The following SAMD3 variants were observed in gnomAD, a reference collection of about 807,000 sequenced individuals.
SAMD3 encodes sterile alpha motif domain containing 3, also known as sterile alpha motif domain-containing protein 3.
A neutral mutation model predicts 58.5 loss-of-function variants in SAMD3; 63 were observed. The observed-to-expected ratio is 1.08, with a 90% CI of 0.88 to 1.33. The LOEUF (loss-of-function observed/expected upper bound fraction) is 1.33, where lower values mean the gene tolerates loss of function less well. Among genes scored for constraint, SAMD3 ranks in the 40% most tolerant of loss-of-function variants. SAMD3 has a pLI of 0.00. For missense variants in SAMD3, 604 were observed against 608.4 expected, an observed-to-expected ratio of 0.99 and a Z score of 0.08; for synonymous variants, 220 against 210.3, an observed-to-expected ratio of 1.05 and a Z score of -0.40.
intron 9 of SAMD3, 52 bp from the exon 10 acceptor site, chr6:130,146,233 T>C: frequency 2.6e-6 from 3 of 1,172,544 alleles, no homozygotes; most frequent in South Asian, 2.2e-5. Flanking sequence ...AAAGCTAATA[T>C]ATAGAATGTA....
At chr6:130,354,779 CA>C (rs1424931419) in intron 1 of SAMD3, among the ~76,000 whole-genome samples, 1 of 152,142 alleles carries the variant, frequency 6.6e-6, no homozygotes, top group South Asian at 2.1e-4. Context: ...AACAAACCTG[CA>C]CATGTACCCG....
chr6:130,250,587 C>T (rs1773705190), intron 2 of SAMD3, among the ~76,000 whole-genome samples: 1 of 152,180 alleles, frequency 6.6e-6, no homozygotes, highest in South Asian at 2.1e-4. Flanking sequence ...CTCCATTCCA[C>T]CCTCACCCAT....
intron 1 of SAMD3, among the ~76,000 whole-genome samples, chr6:130,217,068 C>G (rs1796042716): frequency 2.0e-5 from 3 of 151,998 alleles, no homozygotes; most frequent in Non-Finnish European, 4.4e-5. Context: ...AGATTTTTAC[C>G]ACAATTCTAC....
chr6:130,179,798 A>T (rs1019433549), intron 7 of SAMD3, among the ~76,000 whole-genome samples: 3 of 138,674 alleles, frequency 2.2e-5, no homozygotes, highest in South Asian at 2.3e-4. Flanking sequence ...TATATAAGAG[A>T]TTGTCCTTAT....
At chr6:130,310,418 G>A (rs4349832) in intron 2 of SAMD3, among the ~76,000 whole-genome samples, 24,344 of 151,990 alleles carry the variant, frequency 0.16, 2,203 homozygotes, top group East Asian at 0.36. Context: ...GGCTTTCCAA[G>A]GTTAATTACC....
rs548941386 is a variant in SAMD3, at chr6:130,235,772, G to T, written c.-187-12959C>A. 3.9e-5 allele frequency among the ~76,000 whole-genome samples: 6 copies of T among 152,248 alleles called. 1 individual carries two copies. The South Asian group carries it at 1.2e-3, about 32-fold the overall frequency. On this transcript the variant is annotated intron_variant, in intron 2 of 13. Coordinates refer to the SAMD3 transcript ENST00000368134. The stretch of plus-strand genomic sequence containing the variant: ...TTTATGTTCAAATTATGTAGTAGAG[G>T]CTAATTTTTTCAATTTGTATTTAAG...
intron 1 of SAMD3, among the ~76,000 whole-genome samples, chr6:130,322,189 C>T (rs914266438): frequency 6.6e-6 from 1 of 152,060 alleles, no homozygotes; most frequent in South Asian, 2.1e-4. Context: ...GAGGCTAGTC[C>T]AGAATTGGGA....
chr6:130,291,383 G>A (rs1359474816), intron 2 of SAMD3, among the ~76,000 whole-genome samples: 1 of 152,324 alleles, frequency 6.6e-6, no homozygotes, highest in East Asian at 1.9e-4. Context: ...GGGATTACAG[G>A]TGTGAGCCAC....
chr6:130,309,199 TA>T (rs1776053256), intron 2 of SAMD3, among the ~76,000 whole-genome samples: 1 of 152,198 alleles, frequency 6.6e-6, no homozygotes, highest in Non-Finnish European at 1.5e-5. Context: ...TTGCATAGTA[TA>T]AACAGTCAGA....
intron 5 of SAMD3, among the ~76,000 whole-genome samples, chr6:130,204,765 CTTTTTTT>C (rs112982780): frequency 1.6e-5 from 2 of 126,694 alleles, no homozygotes; most frequent in South Asian, 5.0e-4. Flanking sequence ...ATTTCCAGGC[CTTTTTTT>C]TTTTTTTTTT....
intron 2 of SAMD3, among the ~76,000 whole-genome samples, chr6:130,311,382 T>A (rs1983718): frequency 0.47 from 71,373 of 151,960 alleles, 20,169 homozygotes; most frequent in African/African-American, 0.8. Flanking sequence ...GAGGGGTTCC[T>A]CCAGCCTACT....
In SAMD3 at chr6:130,252,270, C is replaced by G. The variant is rs1314446516; in HGVS notation, c.-187-29457G>C. On this transcript the variant is annotated intron_variant, in intron 2 of 13. Transcript: ENST00000368134. The stretch of plus-strand genomic sequence containing the variant: ...ATATATATCTTTTTCTATCCTTTCA[C>G]TTCCAACTTATTTGCATTTTGGATC... 1.3e-5 allele frequency among the ~76,000 whole-genome samples: 2 copies of G among 152,122 alleles called. 1 individual carries two copies. The highest frequency in any genetic ancestry group is 2.9e-5 in the Non-Finnish European group (2 of 67,998).
At chr6:130,187,832 A>C (rs1208751133) in intron 5 of SAMD3, among the ~76,000 whole-genome samples, 1 of 152,200 alleles carries the variant, frequency 6.6e-6, no homozygotes, top group Admixed American at 6.5e-5. Context: ...GCTCTTCGAC[A>C]AAATCAGCAC....
At position 130,146,071 on chromosome 6, in the gene SAMD3, A is replaced by C; in HGVS notation, c.1134T>G (p.Asn378Lys). 1.9e-6 allele frequency: 3 copies of C among 1,596,906 alleles called. No homozygotes were observed. The highest frequency in any genetic ancestry group is 2.6e-6 in the Non-Finnish European group (3 of 1,172,612). Residue 378 changes from asparagine to lysine, a missense_variant, in exon 10 of 12, where the codon AAT becomes AAG. Asn to Lys is a moderately conservative substitution (Grantham distance 94, BLOSUM62 0). Transcript: ENST00000439090. ...NILTSFSVVD[N>K]PINIVLQEKM... ...TTTCTTGCAATACAATATTGATTGGATTGTCCACCACTGAAAAAGAAGTCA... is the reference window on the plus strand; with the variant it reads ...TTTCTTGCAATACAATATTGATTGGCTTGTCCACCACTGAAAAAGAAGTCA...
chr6:130,352,581 G>A (rs1008893985), intron 1 of SAMD3, among the ~76,000 whole-genome samples: 1 of 152,168 alleles, frequency 6.6e-6, no homozygotes, highest in African/African-American at 2.4e-5. Context: ...GGCCACTCAA[G>A]CTCATTGTGT....
At chr6:130,343,631 T>C (rs1456819321) in intron 1 of SAMD3, among the ~76,000 whole-genome samples, 3 of 151,842 alleles carry the variant, frequency 2.0e-5, no homozygotes, top group Non-Finnish European at 2.9e-5. Context: ...TGGATGAAAA[T>C]GGCAGGAGAA....
intron 8 of SAMD3, among the ~76,000 whole-genome samples, chr6:130,175,439 T>C (rs1791632614): frequency 6.6e-6 from 1 of 152,158 alleles, no homozygotes; most frequent in South Asian, 2.1e-4. Flanking sequence ...GGGTTATTTC[T>C]TCCCTGAAAC....
At chr6:130,198,022 C>G (rs1011557015) in intron 5 of SAMD3, among the ~76,000 whole-genome samples, 77 of 152,252 alleles carry the variant, frequency 5.1e-4, no homozygotes, top group Middle Eastern at 3.4e-3. Flanking sequence ...CCACTGAGTA[C>G]CTTGTGACCC....
intron 7 of SAMD3, among the ~76,000 whole-genome samples, chr6:130,177,185 G>A (rs764860095): frequency 2.8e-4 from 42 of 152,150 alleles, no homozygotes; most frequent in Non-Finnish European, 4.0e-4. Context: ...GAGAGTGTGC[G>A]TTTCTTGCAA....
Sources: allele counts gnomAD v4.1 joint callset (sites outside exome capture counted in the v4.1 genomes callset), GRCh38; gene constraint gnomAD v4.1.1; transcripts MANE v1.5; gene names NCBI Gene and HGNC (gene_info 2026-07-23, HGNC 2026-07-21).